IMMP1L: variants seen among roughly 807,000 people sequenced by gnomAD.
The protein encoded by IMMP1L is inner mitochondrial membrane peptidase subunit 1.
A neutral mutation model predicts 21.8 loss-of-function variants in IMMP1L; 24 were observed. The observed-to-expected ratio is 1.10, with a 90% CI of 0.80 to 1.55. IMMP1L has a LOEUF of 1.55. Among genes scored for constraint, IMMP1L ranks in the 40% most tolerant of loss-of-function variants. The probability of loss-of-function intolerance (pLI) is 0.00; values close to 1 mark genes in which losing one functional copy is unlikely to be tolerated. For synonymous variants in IMMP1L, 46 were observed against 62.8 expected (o/e 0.73, Z 1.26); for missense variants, 195 against 200.7 (o/e 0.97, Z 0.17).
intron 1 of IMMP1L, among the ~76,000 whole-genome samples, chr11:31,480,410 T>C (rs548204778): frequency 1.4e-4 from 22 of 152,122 alleles, no homozygotes; most frequent in African/African-American, 5.3e-4. Flanking sequence ...AAACTGAAAA[T>C]AATGTAATTC....
Position 31,432,530 on chromosome 11 carries a change from G to A in IMMP1L, c.471C>T (p.Ser157=), listed in dbSNP as rs779915256. 8 of 1,612,838 alleles carry A rather than the reference G, an allele frequency of 5.0e-6. No homozygotes were observed. In the African/African-American group the frequency reaches 9.3e-5, roughly 19 times the overall value. Residue 157 remains serine (S), a synonymous_variant, in exon 6 of 6, where the codon AGC becomes AGT. Coordinates refer to ENST00000532287, the MANE Select transcript of IMMP1L (RefSeq NM_001304274.2). ...PLSDFGFLRA[S]PNGHRFSDD is the part of the protein sequence containing the mutation. The stretch of plus-strand genomic sequence containing the variant: ...CATCAGAAAATCTGTGGCCATTAGG[G>A]CTGGCACGTAAAAATCCAAAATCAC...
intron 4 of IMMP1L, among the ~76,000 whole-genome samples, chr11:31,449,529 AC>A (rs1230935176): frequency 6.6e-6 from 1 of 152,160 alleles, no homozygotes; most frequent in Non-Finnish European, 1.5e-5. Flanking sequence ...CCATATTGTT[AC>A]ATTTCCATTT....
At chr11:31,451,549 A>G (rs1007295884) in intron 4 of IMMP1L, among the ~76,000 whole-genome samples, 1 of 152,196 alleles carries the variant, frequency 6.6e-6, no homozygotes, top group Non-Finnish European at 1.5e-5. Context: ...CTGAACAAGT[A>G]GCATGGGGTT....
In IMMP1L at chr11:31,442,646, G is replaced by A. The variant is rs1022714673; in HGVS notation, c.322-9076C>T. On this transcript the variant is annotated intron_variant, in intron 4 of 5. Coordinates refer to ENST00000532287, the MANE Select transcript of IMMP1L (RefSeq NM_001304274.2). ...TTTGCATTGGCCCTACCTATTGCTC[G>A]TACTTCTTTAATGGTTCTAAAATGA... Among the ~76,000 whole-genome samples, 7 of 152,180 alleles carry A rather than the reference G, an allele frequency of 4.6e-5. No homozygotes were observed. In the South Asian group the frequency reaches 6.2e-4, roughly 14 times the overall value.
At chr11:31,482,081 C>T (rs1954910893) in intron 1 of IMMP1L, among the ~76,000 whole-genome samples, 1 of 152,002 alleles carries the variant, frequency 6.6e-6, no homozygotes, top group African/African-American at 2.4e-5. Flanking sequence ...ATAAGGTGAA[C>T]ATGAATAAAC....
chr11:31,506,706 A>C (rs1157220339), intron 1 of IMMP1L, among the ~76,000 whole-genome samples: 1 of 151,604 alleles, frequency 6.6e-6, no homozygotes, highest in Non-Finnish European at 1.5e-5. Context: ...TCACACCTGT[A>C]ATCTCAACAC....
At chr11:31,472,704 A>T (rs1954601425) in intron 1 of IMMP1L, among the ~76,000 whole-genome samples, 2 of 152,318 alleles carry the variant, frequency 1.3e-5, no homozygotes, top group Admixed American at 1.3e-4. Flanking sequence ...GAAAAAGTGA[A>T]AAGCAGCATA....
intron 1 of IMMP1L, among the ~76,000 whole-genome samples, chr11:31,507,690 T>G (rs181070026): frequency 6.6e-6 from 1 of 152,072 alleles, no homozygotes; most frequent in Non-Finnish European, 1.5e-5. Flanking sequence ...GAGAATTTGG[T>G]CAAAGATACA....
intron 1 of IMMP1L, among the ~76,000 whole-genome samples, chr11:31,463,507 T>C (rs1262958021): frequency 6.6e-6 from 1 of 152,162 alleles, no homozygotes; most frequent in Non-Finnish European, 1.5e-5. Flanking sequence ...TTTACCAAAG[T>C]TTATATTCAA....
intron 1 of IMMP1L, among the ~76,000 whole-genome samples, chr11:31,495,180 A>G (rs775469105): frequency 2.6e-4 from 39 of 152,192 alleles, no homozygotes; most frequent in Non-Finnish European, 5.3e-4. Context: ...CATTGTCCAT[A>G]TCACTATCAG....
chr11:31,439,047 C>T (rs1218033466), intron 4 of IMMP1L, among the ~76,000 whole-genome samples: 1 of 152,116 alleles, frequency 6.6e-6, no homozygotes. Context: ...TCCTTGTTCT[C>T]AGTTGTATGT....
rs540023485 is a variant in IMMP1L, at chr11:31,476,057, T to C, written c.-29-12752A>G. ...ACCATAGAAAGTTATGCTGAGATAA[T>C]AGCCTACCTGGCAAAATAATGTGAA... On this transcript the variant is annotated intron_variant, in intron 1 of 5. Transcript: ENST00000532287. Among the ~76,000 whole-genome samples, 5 of 152,230 alleles carry C rather than the reference T, an allele frequency of 3.3e-5. No homozygotes were observed. The East Asian group carries it at 9.7e-4, about 29-fold the overall frequency.
intron 1 of IMMP1L, among the ~76,000 whole-genome samples, chr11:31,491,123 A>G (rs1357882884): frequency 6.6e-6 from 1 of 152,200 alleles, no homozygotes; most frequent in Non-Finnish European, 1.5e-5. Flanking sequence ...TTCATTTGTT[A>G]TGGTAATTTT....
At chr11:31,449,068 A>G in intron 4 of IMMP1L, 13 of 985,428 alleles carry the variant, frequency 1.3e-5, no homozygotes, top group Non-Finnish European at 1.6e-5. Context: ...ATGGATGTGT[A>G]GCACAGGTTT....
chr11:31,470,423 A>C (rs1954506151), intron 1 of IMMP1L, among the ~76,000 whole-genome samples: 1 of 152,036 alleles, frequency 6.6e-6, no homozygotes, highest in South Asian at 2.1e-4. Flanking sequence ...CAAAAAACAA[A>C]AAACAAAAAA....
chr11:31,464,961 G>T (rs535486611), intron 1 of IMMP1L, among the ~76,000 whole-genome samples: 1 of 152,104 alleles, frequency 6.6e-6, no homozygotes, highest in South Asian at 2.1e-4. Context: ...GCAAAATAAA[G>T]AAATAAAGGG....
chr11:31,444,693 G>A (rs1043829203), intron 4 of IMMP1L, among the ~76,000 whole-genome samples: 32 of 151,100 alleles, frequency 2.1e-4, no homozygotes, highest in African/African-American at 6.6e-4. Flanking sequence ...GGGTTCAAGC[G>A]ATTCCCCTGC....
intron 4 of IMMP1L, among the ~76,000 whole-genome samples, chr11:31,441,317 G>A (rs1352453181): frequency 6.7e-6 from 1 of 150,150 alleles, no homozygotes; most frequent in African/African-American, 2.4e-5. Context: ...AGGTGTTTCA[G>A]GGTTGGGCTT....
Position 31,503,395 on chromosome 11 carries a change from GATAA to G in IMMP1L, c.-30+6120_-30+6123del, listed in dbSNP as rs764867557. On this transcript the variant is annotated intron_variant, in intron 1 of 5. Transcript: ENST00000532287. Reference sequence around the variant, plus strand: ...TGAAGGAATGTAGAAGGAAATAAATGATAAATAAATAGTAATCGATTAAACAGAA... The same window carrying G: ...TGAAGGAATGTAGAAGGAAATAAATGATAAATAGTAATCGATTAAACAGAA... Among the ~76,000 whole-genome samples, 60 of 152,022 alleles carry G rather than the reference GATAA, an allele frequency of 3.9e-4. 1 individual carries two copies. The highest frequency in any genetic ancestry group is 4.6e-4 in the African/African-American group (19 of 41,470).
Sources: allele counts gnomAD v4.1 joint callset (sites outside exome capture counted in the v4.1 genomes callset), GRCh38; gene constraint gnomAD v4.1.1; transcripts MANE v1.5; gene names NCBI Gene and HGNC (gene_info 2026-07-23, HGNC 2026-07-21).